The following FSTL4 variants were observed in gnomAD, a reference collection of about 807,000 sequenced individuals.
FSTL4 encodes the protein follistatin like 4.
Under a neutral mutation model 78.2 loss-of-function variants are expected in FSTL4, and 28 were observed. The ratio of observed to expected loss-of-function variants is 0.36; its 90% CI spans 0.27 to 0.49. The LOEUF (loss-of-function observed/expected upper bound fraction) is 0.49. Among genes scored for constraint, FSTL4 ranks in the 20% least tolerant of loss-of-function variants. FSTL4 has a pLI of 0.98. For synonymous variants in FSTL4, 422 were observed against 440.5 expected (o/e 0.96, Z 0.53); for missense variants, 922 against 1,084.9 (o/e 0.85, Z 2.11).
chr5:133,544,701 A>C (rs536251411), intron 3 of FSTL4, among the ~76,000 whole-genome samples: 2 of 152,338 alleles, frequency 1.3e-5, no homozygotes, highest in South Asian at 4.1e-4. Context: ...GATTTCTGAG[A>C]CTGGAATTGA....
chr5:133,525,088 T>C (rs1342517875), intron 3 of FSTL4, among the ~76,000 whole-genome samples: 1 of 152,186 alleles, frequency 6.6e-6, no homozygotes, highest in Non-Finnish European at 1.5e-5. Flanking sequence ...CTTTCCGCTG[T>C]TCTGGCAAAA....
At chr5:133,517,507 AC>A (rs1431272707) in intron 3 of FSTL4, among the ~76,000 whole-genome samples, 19 of 128,628 alleles carry the variant, frequency 1.5e-4, no homozygotes, top group African/African-American at 5.2e-4. Flanking sequence ...ACACACACAC[AC>A]ACAAACTGAA....
intron 3 of FSTL4, among the ~76,000 whole-genome samples, chr5:133,480,329 G>A (rs1005596576): frequency 6.6e-6 from 1 of 152,210 alleles, no homozygotes; most frequent in Non-Finnish European, 1.5e-5. Context: ...ACCTGGTGCA[G>A]AATAAGCCAT....
At chr5:133,482,170 AG>A (rs2112859314) in intron 3 of FSTL4, among the ~76,000 whole-genome samples, 2 of 152,370 alleles carry the variant, frequency 1.3e-5, no homozygotes, top group African/African-American at 4.8e-5. Flanking sequence ...TCAGTATGGA[AG>A]GAAATGCCAT....
intron 3 of FSTL4, among the ~76,000 whole-genome samples, chr5:133,532,454 T>C (rs1759274523): frequency 1.3e-5 from 2 of 152,208 alleles, no homozygotes; most frequent in African/African-American, 4.8e-5. Flanking sequence ...CCTTTTTGGT[T>C]GTGTAGGCAC....
intron 3 of FSTL4, among the ~76,000 whole-genome samples, chr5:133,429,885 C>T (rs1274515856): frequency 6.6e-6 from 1 of 152,184 alleles, no homozygotes; most frequent in Non-Finnish European, 1.5e-5. Context: ...TCTCCTATTT[C>T]AGGTTAATTG....
intron 4 of FSTL4, among the ~76,000 whole-genome samples, chr5:133,333,127 T>TCAGCCC (rs1330504180): frequency 1.3e-5 from 2 of 152,164 alleles, no homozygotes; most frequent in African/African-American, 4.8e-5. Flanking sequence ...TGGCGGCAGC[T>TCAGCCC]CAGCCCCAGC....
At chr5:133,279,215 G>C (rs1179331532) in intron 6 of FSTL4, among the ~76,000 whole-genome samples, 1 of 152,248 alleles carries the variant, frequency 6.6e-6, no homozygotes, top group Non-Finnish European at 1.5e-5. Flanking sequence ...CTGCACAGCA[G>C]GAGGTGAGCG....
chr5:133,431,038 G>T (rs1756925765), intron 3 of FSTL4, among the ~76,000 whole-genome samples: 1 of 152,176 alleles, frequency 6.6e-6, no homozygotes, highest in Admixed American at 6.5e-5. Flanking sequence ...TTGATAGGAA[G>T]AAAATAGGAG....
intron 4 of FSTL4, among the ~76,000 whole-genome samples, chr5:133,339,135 C>G (rs1754532008): frequency 6.6e-6 from 1 of 152,172 alleles, no homozygotes; most frequent in African/African-American, 2.4e-5. Context: ...TTAAACATGC[C>G]TACCATCACC....
chr5:133,517,439 A>ATATATATATATATAT (rs1221892095), intron 3 of FSTL4, among the ~76,000 whole-genome samples: 6 of 32,126 alleles, frequency 1.9e-4, no homozygotes, highest in African/African-American at 4.6e-4. Context: ...AAAAAAAAAA[A>ATATATATATATATAT]AAAAAAAAAT....
chr5:133,687,796 T>A, the FSTL4 span, among the ~76,000 whole-genome samples: 3 of 152,234 alleles, frequency 2.0e-5, no homozygotes, highest in Admixed American at 2.0e-4. Context: ...TCTATTTCTC[T>A]CTTGCACCAC....
At chr5:133,741,174 C>A in the FSTL4 span, among the ~76,000 whole-genome samples, 9 of 152,200 alleles carry the variant, frequency 5.9e-5, no homozygotes, top group African/African-American at 2.2e-4. Context: ...ATGACACAAT[C>A]CTGGTCAACC....
intron 8 of FSTL4, among the ~76,000 whole-genome samples, chr5:133,227,178 A>G (rs113047872): frequency 0.01 from 1,582 of 152,298 alleles, 18 homozygotes; most frequent in African/African-American, 0.036. Flanking sequence ...GCCAAACCAC[A>G]CAGAGACCCA....
intron 3 of FSTL4, among the ~76,000 whole-genome samples, chr5:133,540,329 T>C (rs1651774): frequency 0.42 from 63,435 of 151,794 alleles, 13,695 homozygotes; most frequent in African/African-American, 0.52. Flanking sequence ...AATACATACT[T>C]TTTCCAAGAA....
At chr5:133,300,437 G>A (rs778831258) in intron 6 of FSTL4, among the ~76,000 whole-genome samples, 13 of 152,068 alleles carry the variant, frequency 8.5e-5, no homozygotes, top group Non-Finnish European at 1.6e-4. Context: ...ACCAGGAGTC[G>A]ACTCCACTGC....
the FSTL4 span, among the ~76,000 whole-genome samples, chr5:133,722,294 C>A: frequency 1.3e-5 from 2 of 152,146 alleles, no homozygotes; most frequent in Non-Finnish European, 2.9e-5. Flanking sequence ...GTGGAAGTGT[C>A]ATCCCAAAGC....
At chr5:133,767,934 G>A in the FSTL4 span, among the ~76,000 whole-genome samples, 68 of 152,276 alleles carry the variant, frequency 4.5e-4, 1 homozygote, top group East Asian at 0.01. Context: ...TGAAAACTCC[G>A]GTGGAAAAAC....
chr5:133,841,478 G>A, the FSTL4 span, among the ~76,000 whole-genome samples: 1 of 152,186 alleles, frequency 6.6e-6, no homozygotes, highest in Non-Finnish European at 1.5e-5. Context: ...AGGAGCCCGA[G>A]TTCTTCTAGA....
Sources: allele counts gnomAD v4.1 joint callset (sites outside exome capture counted in the v4.1 genomes callset), GRCh38; gene constraint gnomAD v4.1.1; transcripts MANE v1.5; gene names NCBI Gene and HGNC (gene_info 2026-07-23, HGNC 2026-07-21).